EHBP1L1: variants seen among roughly 807,000 people sequenced by gnomAD.
EHBP1L1 encodes the protein EH domain-binding protein 1-like protein 1.
EHBP1L1 carries 122 observed loss-of-function variants against 151.1 expected under a neutral mutation model. The observed-to-expected ratio is 0.81, with a 90% CI of 0.70 to 0.94. The LOEUF (loss-of-function observed/expected upper bound fraction) is 0.94. Among genes scored for constraint, EHBP1L1 ranks in the 40% least tolerant of loss-of-function variants. The pLI is 0.00. For synonymous variants in EHBP1L1, 878 were observed against 810.1 expected, an observed-to-expected ratio of 1.08 and a Z score of -1.42; for missense variants, 1,941 against 1,959.8, an observed-to-expected ratio of 0.99 and a Z score of 0.18.
At position 65,579,111 on chromosome 11, in the gene EHBP1L1, T is replaced by A. The variant is rs1373681507; in HGVS notation, c.138T>A (p.Arg46=). 8 of 1,594,778 alleles carry A rather than the reference T, an allele frequency of 5.0e-6. No individual in the cohort carries two copies. The highest frequency in any genetic ancestry group is 6.8e-6 in the Non-Finnish European group (8 of 1,171,036). Reference sequence around the variant, plus strand: ...ATAAGCTGGTGGTGGTATGGACCCGTCGGAACCGACGCATCTGCTCCAAGG... The same window carrying A: ...ATAAGCTGGTGGTGGTATGGACCCGACGGAACCGACGCATCTGCTCCAAGG... ...QPDKLVVVWT[R]RNRRICSKAH... Residue 46 remains arginine, a synonymous_variant, in exon 2 of 19, where the codon CGT becomes CGA. Coordinates refer to ENST00000309295, the MANE Select transcript of EHBP1L1 (RefSeq NM_001099409.3).
At position 65,582,250 on chromosome 11, in the gene EHBP1L1, C is replaced by G; in HGVS notation, c.1578C>G (p.Gly526=). 1 of 1,526,726 alleles carries G rather than the reference C, an allele frequency of 6.5e-7. No homozygotes were observed. Among genetic ancestry groups the G allele is most frequent in the East Asian group, 2.3e-5 (1 of 44,290 alleles). The allele number at this position is 1,526,726 out of a possible 1,614,324, so 94.6% of individuals were successfully genotyped here. A position where few individuals can be genotyped will look rare whatever the true frequency, so the allele number is the denominator to read the frequency against. The change falls in exon 9 of 19, where the codon GGC becomes GGG. Residue 526 remains glycine, a synonymous_variant. Transcript: ENST00000309295. ...TTGAGGGGACAGGCCTGGAGCAGGGCCCTTCTGTTGGAGCAATAAGCACCA... is the reference window on the plus strand; with the variant it reads ...TTGAGGGGACAGGCCTGGAGCAGGGGCCTTCTGTTGGAGCAATAAGCACCA... ...PGIEGTGLEQ[G]PSVGAISTRP...
rs1429732158 is a variant in EHBP1L1 at position 65,579,146 on chromosome 11, A to G, written c.162+11A>G. ...CGCATCTGCTCCAAGGTGGGGAAGG[A>G]TGGCAACTGGGGATCCAGGTTAGGG... On this transcript the variant is annotated intron_variant, in intron 2 of 18. Coordinates refer to ENST00000309295, the MANE Select transcript of EHBP1L1 (RefSeq NM_001099409.3). 1 of 1,585,240 alleles carries G rather than the reference A, an allele frequency of 6.3e-7. No homozygotes were observed. Among genetic ancestry groups the G allele is most frequent in the Non-Finnish European group, 8.6e-7 (1 of 1,165,970 alleles).
chr11:65,579,841 A>AG (rs1857509732), intron 3 of EHBP1L1, 95 bp from the exon 4 acceptor site: 3 of 1,340,074 alleles, frequency 2.2e-6, no homozygotes, highest in Non-Finnish European at 3.1e-6. Flanking sequence ...AAAAAAAAAA[A>AG]GCCACCACTA....
intron 7 of EHBP1L1, 33 bp from the exon 8 acceptor site, chr11:65,581,178 C>A: frequency 6.2e-7 from 1 of 1,611,046 alleles, no homozygotes; most frequent in South Asian, 1.1e-5. Context: ...GGTCACTGGG[C>A]CCAGGCCACA....
chr11:65,581,709 G>T lies in EHBP1L1; in HGVS notation c.1037G>T (p.Cys346Phe), dbSNP rs2135260006. 6.3e-7 allele frequency: 1 copy of T among 1,586,700 alleles called. No homozygotes were observed. Among genetic ancestry groups the T allele is most frequent in the Admixed American group, 1.8e-5 (1 of 55,178 alleles). Reference sequence around the variant, plus strand: ...GCTAGGGAGACCCAGGCCCAGGCATGCCCTCAGGAAGGGACAGAAGCCCAT... The same window carrying T: ...GCTAGGGAGACCCAGGCCCAGGCATTCCCTCAGGAAGGGACAGAAGCCCAT... ...GSARETQAQA[C>F]PQEGTEAHGA... The change falls in exon 9 of 19, where the codon TGC (cysteine) becomes TTC (phenylalanine). Residue 346 changes from cysteine (C) to phenylalanine (F), a missense_variant. Coordinates refer to ENST00000309295, the MANE Select transcript of EHBP1L1 (RefSeq NM_001099409.3).
At chr11:65,579,859 C>T in intron 3 of EHBP1L1, 77 bp from the exon 4 acceptor site, 2 of 1,507,002 alleles carry the variant, frequency 1.3e-6, no homozygotes, top group Non-Finnish European at 1.8e-6. Context: ...CTACCAAGCA[C>T]CTCCTGAGCC....
intron 1 of EHBP1L1, among the ~76,000 whole-genome samples, chr11:65,578,539 G>C (rs1230682800): frequency 6.6e-6 from 1 of 152,126 alleles, no homozygotes; most frequent in Non-Finnish European, 1.5e-5. Flanking sequence ...TTTCCTTCTT[G>C]ACTGGTAGTC....
chr11:65,581,890 G>A lies in EHBP1L1; in HGVS notation c.1218G>A (p.Lys406=). ...PRSGGREANT[K]RSGVRAGEAE... is the part of the protein sequence containing the mutation. ...CAGGAGGCAGAGAGGCAAACACTAA[G>A]AGGTCAGGAGTCAGAGCTGGGGAGG... The change falls in exon 9 of 19, where the codon AAG becomes AAA. Residue 406 remains lysine, a synonymous_variant. Coordinates refer to ENST00000309295, the MANE Select transcript of EHBP1L1 (RefSeq NM_001099409.3). The A allele has an allele frequency of 6.2e-7, 1 of 1,613,684 alleles. No homozygotes were observed. Among genetic ancestry groups the A allele is most frequent in the African/African-American group, 1.3e-5 (1 of 75,070 alleles).
At position 65,590,070 on chromosome 11, in the gene EHBP1L1, G is replaced by C; in HGVS notation, c.4060-17G>C. On this transcript the variant is annotated splice_polypyrimidine_tract_variant and intron_variant, in intron 14 of 18. Transcript: ENST00000309295. ...CTGGGCTGAGTCCACCCTGTTCTCTGCCTTTTCCACCCCCAGCAACGGTTC... is the reference window on the plus strand; with the variant it reads ...CTGGGCTGAGTCCACCCTGTTCTCTCCCTTTTCCACCCCCAGCAACGGTTC... 6.2e-7 allele frequency: 1 copy of C among 1,613,784 alleles called. No individual in the cohort carries two copies. The highest frequency in any genetic ancestry group is 8.5e-7 in the Non-Finnish European group (1 of 1,179,770).
Position 65,590,565 on chromosome 11 carries a change from T to A in EHBP1L1, c.4256T>A (p.Ile1419Asn). 1 of 1,613,610 alleles carries A rather than the reference T, an allele frequency of 6.2e-7. No homozygotes were observed. The highest frequency in any genetic ancestry group is 1.1e-5 in the South Asian group (1 of 91,050). ...CTGGTCAACAAGAAGAACGCTCTCA[T>A]CCGGAGGCAGGACCAGCTGCAGCTG... ...FTLVNKKNAL[I>N]RRQDQLQLLM... Residue 1419 changes from isoleucine (I) to asparagine (N), a missense_variant, in exon 16 of 19, where the codon ATC (isoleucine) becomes AAC (asparagine). By Grantham distance (149) the Ile-to-Asn change is moderately radical. Coordinates refer to ENST00000309295, the MANE Select transcript of EHBP1L1 (RefSeq NM_001099409.3).
At position 65,581,352 on chromosome 11, in the gene EHBP1L1, C is replaced by T. The variant is rs765994017; in HGVS notation, c.845C>T (p.Pro282Leu). The T allele has an allele frequency of 2.1e-5, 33 of 1,576,908 alleles. No homozygotes were observed. Among genetic ancestry groups the T allele is most frequent in the Middle Eastern group, 1.7e-4 (1 of 5,908 alleles). The change falls in exon 8 of 19, where the codon CCG becomes CTG. Residue 282 changes from proline to leucine, a missense_variant. Coordinates refer to ENST00000309295, the MANE Select transcript of EHBP1L1 (RefSeq NM_001099409.3). ...GTAGGCCCTGAGGCCCCAAGGCCCC[C>T]GGAAACCTCACCAGAGATGAGGTGA... ...GQVGPEAPRP[P>L]ETSPEMRSSR...
chr11:65,583,024 A>C lies in EHBP1L1; in HGVS notation c.2352A>C (p.Ser784=), dbSNP rs772508720. Residue 784 remains serine, a synonymous_variant, in exon 9 of 19, where the codon TCA becomes TCC. Coordinates refer to ENST00000309295, the MANE Select transcript of EHBP1L1 (RefSeq NM_001099409.3). ...LGTQEIASRD[S]GVPGLEADTT... Reference sequence around the variant, plus strand: ...CCCAAGAGATAGCATCTAGGGATTCAGGGGTCCCAGGGTTAGAAGCTGATA... The same window carrying C: ...CCCAAGAGATAGCATCTAGGGATTCCGGGGTCCCAGGGTTAGAAGCTGATA... 2.5e-6 allele frequency: 4 copies of C among 1,612,946 alleles called. No individual in the cohort carries two copies. The highest frequency in any genetic ancestry group is 3.4e-6 in the Non-Finnish European group (4 of 1,179,458).
intron 6 of EHBP1L1, 32 bp downstream of exon 6, chr11:65,580,511 G>A (rs753877048): frequency 5.6e-6 from 9 of 1,599,918 alleles, no homozygotes; most frequent in African/African-American, 2.7e-5. Flanking sequence ...GATCGAGACT[G>A]CCAAGACCTG....
chr11:65,577,392 T>C (rs909625498), intron 1 of EHBP1L1, among the ~76,000 whole-genome samples: 1 of 152,212 alleles, frequency 6.6e-6, no homozygotes, highest in African/African-American at 2.4e-5. Flanking sequence ...TAGAGGGCCA[T>C]TCACATCTTT....
rs750234474 is a variant in EHBP1L1, at chr11:65,580,469, C to T, written c.624C>T (p.Val208=). The change falls in exon 6 of 19, where the codon GTC becomes GTT. Residue 208 remains valine, a synonymous_variant. Coordinates refer to ENST00000309295, the MANE Select transcript of EHBP1L1 (RefSeq NM_001099409.3). ...GAGCCCCGGAGGCCCGGGCTCGAGT[C>T]CCCCAGCCAGGTGGGCTCACAGCCT... ...GPGAPEARAR[V]PQPDPSRELK... The T allele has an allele frequency of 5.6e-6, 9 of 1,611,866 alleles. No homozygotes were observed. The East Asian group carries it at 1.6e-4, about 28-fold the overall frequency.
intron 1 of EHBP1L1, among the ~76,000 whole-genome samples, chr11:65,577,498 C>T (rs1857387220): frequency 6.6e-6 from 1 of 152,204 alleles, no homozygotes; most frequent in Non-Finnish European, 1.5e-5. Context: ...ACACTGGGCA[C>T]AGCAGGCTGA....
rs1857770077 is a variant in EHBP1L1, at chr11:65,583,701, CTGGGGCG to C, written c.3030_3036del (p.Gly1011ProfsTer77). The C allele has an allele frequency of 1.3e-6, 2 of 1,564,524 alleles. No homozygotes were observed. The highest frequency in any genetic ancestry group is 1.9e-5 in the Admixed American group (1 of 51,710). The stretch of plus-strand genomic sequence containing the variant: ...GCACAGGTGGCCAGTGGGGCAGGGG[CTGGGGCG>C]CCCAGGGCCTCTTCCCCAGAGAAGG... On this transcript the variant is annotated frameshift_variant, in exon 9 of 19. Coordinates refer to ENST00000309295, the MANE Select transcript of EHBP1L1 (RefSeq NM_001099409.3). LOFTEE classifies it high-confidence loss of function.
intron 8 of EHBP1L1, 37 bp downstream of exon 8, chr11:65,581,410 C>T: frequency 4.0e-6 from 6 of 1,492,322 alleles, no homozygotes; most frequent in Non-Finnish European, 4.5e-6. Context: ...CCATTGCCCC[C>T]TGATAGGAGC....
At chr11:65,586,879 G>A (rs1470919846) in intron 12 of EHBP1L1, among the ~76,000 whole-genome samples, 1 of 152,194 alleles carries the variant, frequency 6.6e-6, no homozygotes, top group East Asian at 1.9e-4. Flanking sequence ...TCCAGCATCT[G>A]GTGTTTCCAA....
Sources: allele counts gnomAD v4.1 joint callset (sites outside exome capture counted in the v4.1 genomes callset), GRCh38; gene constraint gnomAD v4.1.1; transcripts MANE v1.5; gene names NCBI Gene and HGNC (gene_info 2026-07-23, HGNC 2026-07-21).